The following LCAT variants were observed in gnomAD, a reference collection of about 807,000 sequenced individuals.
The protein encoded by LCAT is lecithin-cholesterol acyltransferase.
Under a neutral mutation model 41.0 loss-of-function variants are expected in LCAT, and 15 were observed. The ratio of observed to expected loss-of-function variants is 0.37; its 90% CI spans 0.24 to 0.56. LCAT has a LOEUF of 0.56. Among genes scored for constraint, LCAT ranks in the 20% least tolerant of loss-of-function variants. The pLI, the probability that LCAT is intolerant of heterozygous loss-of-function variation, is 0.81. For missense variants in LCAT, 449 were observed against 595.1 expected (o/e 0.75, Z 2.55); for synonymous variants, 248 against 245.4 (o/e 1.01, Z -0.10).
In LCAT at chr16:67,942,624, T is replaced by G. The variant is rs1467963201; in HGVS notation, c.524-37A>C. ...GGAAGGGGTCAGGGCAGCTGGGGTCTGGGGCACCTGCCCCACCCCAAGCCG... is the reference window on the plus strand; with the variant it reads ...GGAAGGGGTCAGGGCAGCTGGGGTCGGGGGCACCTGCCCCACCCCAAGCCG... On this transcript the variant is annotated intron_variant, in intron 4 of 5. Coordinates refer to ENST00000264005, the MANE Select transcript of LCAT (RefSeq NM_000229.2). The surrounding 1 kb of genome is among the most constrained non-coding windows in gnomAD (Gnocchi z 6.6). 7 of 1,612,390 alleles carry G rather than the reference T, an allele frequency of 4.3e-6. No individual in the cohort carries two copies. The highest frequency in any genetic ancestry group is 5.9e-6 in the Non-Finnish European group (7 of 1,179,606).
rs2058294972 is a variant in LCAT, at chr16:67,942,184, C to T, written c.748+179G>A. The T allele has an allele frequency of 3.0e-6, 4 of 1,323,294 alleles. No homozygotes were observed. Among genetic ancestry groups the T allele is most frequent in the Non-Finnish European group, 4.2e-6 (4 of 963,280 alleles). The allele number at this position is 1,323,294 out of a possible 1,614,324, so 82.0% of individuals were successfully genotyped here. ...CACTGACACAGACTCTGGAAGGAGC[C>T]ACCCTAATTGCTCAGGCCAGGGTCA... On this transcript the variant is annotated intron_variant, in intron 5 of 5. Coordinates refer to ENST00000264005, the MANE Select transcript of LCAT (RefSeq NM_000229.2). This position sits in a 1 kb window ranked among gnomAD's most constrained non-coding sequence, Gnocchi z 6.6.
Position 67,942,608 on chromosome 16 carries a change from C to T in LCAT, c.524-21G>A. The T allele has an allele frequency of 6.2e-7, 1 of 1,613,026 alleles. No homozygotes were observed. The highest frequency in any genetic ancestry group is 8.5e-7 in the Non-Finnish European group (1 of 1,179,930). ...CTGGCCTGCAGCGGGTGGAAGGGGT[C>T]AGGGCAGCTGGGGTCTGGGGCACCT... On this transcript the variant is annotated intron_variant, in intron 4 of 5. Transcript: ENST00000264005. The surrounding 1 kb of genome is among the most constrained non-coding windows in gnomAD (Gnocchi z 6.6).
In LCAT at chr16:67,942,557, G is replaced by T. The variant is rs1288468463; in HGVS notation, c.554C>A (p.Ala185Glu). 2 of 1,613,530 alleles carry T rather than the reference G, an allele frequency of 1.2e-6. No homozygotes were observed. The highest frequency in any genetic ancestry group is 2.2e-5 in the East Asian group (1 of 44,884). ...AGCGTGCATCTCCTCCACCAGCCCT[G>T]CGAGCTTGCGGTAGTACTCCTCCTG... Reference protein sequence around the residue: ...GQQEEYYRKLAGLVEEMHAAY... With the variant: ...GQQEEYYRKLEGLVEEMHAAY... The change falls in exon 5 of 6, where the codon GCA becomes GAA. Residue 185 changes from alanine (A) to glutamate (E), a missense_variant. By Grantham distance (107) the Ala-to-Glu change is moderately radical. Coordinates refer to ENST00000264005, the MANE Select transcript of LCAT (RefSeq NM_000229.2). The surrounding 1 kb of genome is among the most constrained non-coding windows in gnomAD (Gnocchi z 6.6).
chr16:67,944,088 C>T lies in LCAT; in HGVS notation c.14G>A (p.Gly5Asp). The T allele has an allele frequency of 6.5e-7, 1 of 1,547,728 alleles. No individual in the cohort carries two copies. Residue 5 changes from glycine (G) to aspartate (D), a missense_variant, in exon 1 of 6, where the codon GGC (glycine) becomes GAC (aspartate). By Grantham distance (94) the Gly-to-Asp change is moderately conservative. Coordinates refer to ENST00000264005, the MANE Select transcript of LCAT (RefSeq NM_000229.2). This position sits in a 1 kb window ranked among gnomAD's most constrained non-coding sequence, Gnocchi z 6.6. MGPP[G>D]SPWQWVTLLL... ...CAGCGTCACCCACTGCCATGGGGAG[C>T]CGGGCGGCCCCATTCCAGCCCTGGT...
rs1454617011 is a variant in LCAT at position 67,942,272 on chromosome 16, G to A, written c.748+91C>T. 2.1e-6 allele frequency: 3 copies of A among 1,412,598 alleles called. No individual in the cohort carries two copies. Among genetic ancestry groups the A allele is most frequent in the East Asian group, 2.3e-5 (1 of 42,576 alleles). 87.5% of individuals were successfully genotyped at this position (1,412,598 alleles called of 1,614,324 possible). On this transcript the variant is annotated intron_variant, in intron 5 of 5. Coordinates refer to ENST00000264005, the MANE Select transcript of LCAT (RefSeq NM_000229.2). The surrounding 1 kb of genome is among the most constrained non-coding windows in gnomAD (Gnocchi z 6.6). ...AGGAGTGGTAGATAGCACCCCTAGA[G>A]GCCACTGTGAGCAGGAGCCGCAATG...
Position 67,943,303 on chromosome 16 carries a change from C to T in LCAT, c.155-91G>A, listed in dbSNP as rs2058303615. 5 of 1,358,096 alleles carry T rather than the reference C, an allele frequency of 3.7e-6. No homozygotes were observed. The highest frequency in any genetic ancestry group is 5.2e-6 in the Non-Finnish European group (5 of 966,626). 84.1% of individuals were successfully genotyped at this position (1,358,096 alleles called of 1,614,324 possible). A position where few individuals can be genotyped will look rare whatever the true frequency, so the allele number is the denominator to read the frequency against. Reference sequence around the variant, plus strand: ...GATGCTGCAGTGACCAGACCCACCCCCCACCTCCCATACCCTCAACCCCCA... The same window carrying T: ...GATGCTGCAGTGACCAGACCCACCCTCCACCTCCCATACCCTCAACCCCCA... On this transcript the variant is annotated intron_variant, in intron 1 of 5. Coordinates refer to ENST00000264005, the MANE Select transcript of LCAT (RefSeq NM_000229.2). This position sits in a 1 kb window ranked among gnomAD's most constrained non-coding sequence, Gnocchi z 4.6.
chr16:67,940,112 A>G lies in LCAT; in HGVS notation c.1115T>C (p.Val372Ala). 1.8e-5 allele frequency: 29 copies of G among 1,613,292 alleles called. No homozygotes were observed. Among genetic ancestry groups the G allele is most frequent in the Non-Finnish European group, 2.4e-5 (28 of 1,180,000 alleles). ...GVLYEDGDDT[V>A]ATRSTELCGL... ...ACAGAGCTCGGTGCTGCGGGTCGCC[A>G]CCGTGTCATCACCATCCTCATAGAG... is the stretch of plus-strand genomic sequence containing the variant. Residue 372 changes from valine to alanine, a missense_variant, in exon 6 of 6, where the codon GTG becomes GCG. Val to Ala is a moderately conservative substitution (Grantham distance 64). Transcript: ENST00000264005.
Position 67,940,346 on chromosome 16 carries a change from C to T in LCAT, c.881G>A (p.Ser294Asn). The change falls in exon 6 of 6, where the codon AGC (serine) becomes AAC (asparagine). Residue 294 changes from serine (S) to asparagine (N), a missense_variant. By Grantham distance (46) the Ser-to-Asn change is conservative. Transcript: ENST00000264005. ...GAAGTCACGGCCTGTGTAGTTGAAG[C>T]TGGGTGTGGAAATGAACACGTGGTC... is the stretch of plus-strand genomic sequence containing the variant. ...PEDHVFISTP[S>N]FNYTGRDFQR... is the part of the protein sequence containing the mutation. 6.2e-7 allele frequency: 1 copy of T among 1,614,128 alleles called. No homozygotes were observed.
rs1211128489 is a variant in LCAT, at chr16:67,943,615, G to A, written c.154+333C>T. ...CTGGGCTGGGCATCTTGTCCTTGGT[G>A]GGTGGGGGCCAAGGAAGGAGTGGTG... On this transcript the variant is annotated intron_variant, in intron 1 of 5. Transcript: ENST00000264005. This position sits in a 1 kb window ranked among gnomAD's most constrained non-coding sequence, Gnocchi z 4.6. 4 of 508,816 alleles carry A rather than the reference G, an allele frequency of 7.9e-6. No homozygotes were observed. The highest frequency in any genetic ancestry group is 1.4e-5 in the Non-Finnish European group (4 of 280,372). The allele number at this position is 508,816 out of a possible 1,614,324, so 31.5% of individuals were successfully genotyped here. A position where few individuals can be genotyped will look rare whatever the true frequency, so the allele number is the denominator to read the frequency against.
intron 5 of LCAT, 83 bp from the exon 6 acceptor site, chr16:67,940,561 A>C: frequency 2.2e-5 from 35 of 1,579,796 alleles, no homozygotes; most frequent in Non-Finnish European, 3.0e-5. Flanking sequence ...GCTCAGCCAG[A>C]TGCTCAATCT....
chr16:67,941,691 T>C (rs767413835), intron 5 of LCAT: 32 of 993,904 alleles, frequency 3.2e-5, no homozygotes, highest in Non-Finnish European at 3.8e-5. Flanking sequence ...CCAGGATGTG[T>C]GGGGATGGTG....
chr16:67,940,599 C>G (rs1196706820), intron 5 of LCAT, 121 bp from the exon 6 acceptor site: 2 of 1,487,976 alleles, frequency 1.3e-6, no homozygotes, highest in Non-Finnish European at 1.8e-6. Context: ...GACACAGACT[C>G]TAAGCCACAG....
chr16:67,943,354 T>A lies in LCAT; in HGVS notation c.155-142A>T. ...GGTACAAAGCACACTTACCCTCCCC[T>A]GCTTACACCCCCTCTCCCTGCTGTC... On this transcript the variant is annotated intron_variant, in intron 1 of 5. Coordinates refer to ENST00000264005, the MANE Select transcript of LCAT (RefSeq NM_000229.2). This position sits in a 1 kb window ranked among gnomAD's most constrained non-coding sequence, Gnocchi z 4.6. 2 of 653,958 alleles carry A rather than the reference T, an allele frequency of 3.1e-6. No individual in the cohort carries two copies. Among genetic ancestry groups the A allele is most frequent in the African/African-American group, 2.4e-5 (1 of 41,802 alleles). 40.5% of individuals were successfully genotyped at this position (653,958 alleles called of 1,614,324 possible). A position where few individuals can be genotyped will look rare whatever the true frequency, so the allele number is the denominator to read the frequency against.
In LCAT at chr16:67,943,466, A is replaced by C; in HGVS notation, c.155-254T>G. 1.8e-6 allele frequency: 1 copy of C among 558,968 alleles called. No homozygotes were observed. Among genetic ancestry groups the C allele is most frequent in the Non-Finnish European group, 3.2e-6 (1 of 309,882 alleles). The allele number at this position is 558,968 out of a possible 1,614,324, so 34.6% of individuals were successfully genotyped here. A position where few individuals can be genotyped will look rare whatever the true frequency, so the allele number is the denominator to read the frequency against. On this transcript the variant is annotated intron_variant, in intron 1 of 5. Coordinates refer to ENST00000264005, the MANE Select transcript of LCAT (RefSeq NM_000229.2). This position sits in a 1 kb window ranked among gnomAD's most constrained non-coding sequence, Gnocchi z 4.6. ...AGGCCGCTGACCCCTGCCTCTGCAG[A>C]GCAAACACCCAGTCTGGCGCTCCTT...
intron 5 of LCAT, chr16:67,940,682 T>C (rs2058286993): frequency 1.1e-6 from 1 of 877,720 alleles, no homozygotes; most frequent in South Asian, 1.8e-5. Context: ...AAGACCTCTG[T>C]TGGGTGGAGC....
Position 67,942,714 on chromosome 16 carries a change from G to GGAC in LCAT, c.479_480insGTC (p.Asp160delinsGluSer). 1 of 1,612,858 alleles carries GGAC rather than the reference G, an allele frequency of 6.2e-7. No individual in the cohort carries two copies. Among genetic ancestry groups the GGAC allele is most frequent in the Admixed American group, 1.7e-5 (1 of 60,028 alleles). On this transcript the variant is annotated protein_altering_variant, in exon 4 of 6. Coordinates refer to ENST00000264005, the MANE Select transcript of LCAT (RefSeq NM_000229.2). This position sits in a 1 kb window ranked among gnomAD's most constrained non-coding sequence, Gnocchi z 6.6. ...CATAGGGGGCGGCGCGCACAGTCTC[G>GGAC]TCCCGCACGTAGCCATTGTTGACCA...
chr16:67,942,683 G>T lies in LCAT; in HGVS notation c.511C>A (p.Arg171=), dbSNP rs766583672. The T allele has an allele frequency of 1.2e-6, 2 of 1,612,882 alleles. No homozygotes were observed. The highest frequency in any genetic ancestry group is 8.5e-7 in the Non-Finnish European group (1 of 1,179,952). The part of the protein sequence containing the change: ...ETVRAAPYDW[R]LEPGQQEEYY... ...CAGAGACACTCACCGGGCTCCAGCC[G>T]CCAGTCATAGGGGGCGGCGCGCACA... Residue 171 remains arginine, a synonymous_variant, in exon 4 of 6, where the codon CGG becomes AGG. Coordinates refer to ENST00000264005, the MANE Select transcript of LCAT (RefSeq NM_000229.2). The surrounding 1 kb of genome is among the most constrained non-coding windows in gnomAD (Gnocchi z 6.6).
chr16:67,944,017 T>G lies in LCAT; in HGVS notation c.85A>C (p.Asn29His). 6.5e-7 allele frequency: 1 copy of G among 1,547,726 alleles called. No homozygotes were observed. The highest frequency in any genetic ancestry group is 2.4e-5 in the East Asian group (1 of 40,848). ...LPPAAPFWLL[N>H]VLFPPHTTPK... is the part of the protein sequence containing the mutation. ...GTGGTGTGCGGGGGGAAGAGCACAT[T>G]GAGGAGCCAGAAGGGGGCGGCAGGA... Residue 29 changes from asparagine to histidine, a missense_variant, in exon 1 of 6, where the codon AAT becomes CAT. Transcript: ENST00000264005. The surrounding 1 kb of genome is among the most constrained non-coding windows in gnomAD (Gnocchi z 6.6).
Position 67,943,231 on chromosome 16 carries a change from A to T in LCAT, c.155-19T>A, listed in dbSNP as rs749900838. On this transcript the variant is annotated intron_variant, in intron 1 of 5. Coordinates refer to ENST00000264005, the MANE Select transcript of LCAT (RefSeq NM_000229.2). The surrounding 1 kb of genome is among the most constrained non-coding windows in gnomAD (Gnocchi z 4.6). Reference sequence around the variant, plus strand: ...CCGGGCACTGTGAGCAGCAGCCCTCACTCTGGACTCTGGATTCCCCCCGTG... The same window carrying T: ...CCGGGCACTGTGAGCAGCAGCCCTCTCTCTGGACTCTGGATTCCCCCCGTG... 5.6e-6 allele frequency: 9 copies of T among 1,611,150 alleles called. No homozygotes were observed. In the East Asian group the frequency reaches 1.8e-4, roughly 32 times the overall value.
Sources: allele counts gnomAD v4.1 joint callset, GRCh38; gene constraint gnomAD v4.1.1; non-coding constraint Gnocchi (gnomAD v3.1); transcripts MANE v1.5; gene names NCBI Gene and HGNC (gene_info 2026-07-23, HGNC 2026-07-21).